The following CDK18 variants were observed in gnomAD, a reference collection of about 807,000 sequenced individuals.
CDK18 encodes cyclin dependent kinase 18, also known as cyclin-dependent kinase 18.
CDK18 carries 52 observed loss-of-function variants against 62.0 expected under a neutral mutation model. The observed-to-expected ratio is 0.84, with a 90% confidence interval of 0.67 to 1.06. The LOEUF (loss-of-function observed/expected upper bound fraction) is 1.06. CDK18 is among the 50% of genes least tolerant of loss of function. CDK18 has a pLI of 0.00. For missense variants in CDK18, 604 were observed against 619.9 expected (o/e 0.97, Z 0.27); for synonymous variants, 237 against 247.0 (o/e 0.96, Z 0.38).
At chr1:205,512,368 G>A (rs769125669) in intron 1 of CDK18, among the ~76,000 whole-genome samples, 17 of 152,244 alleles carry the variant, frequency 1.1e-4, no homozygotes, top group Non-Finnish European at 2.2e-4. Flanking sequence ...CAGCCAAAGG[G>A]AGTGGAATCC....
In CDK18 at chr1:205,531,720, G is replaced by T; in HGVS notation, c.*342G>T. 1 of 329,456 alleles carries T rather than the reference G, an allele frequency of 3.0e-6. No individual in the cohort carries two copies. The highest frequency in any genetic ancestry group is 5.8e-6 in the Non-Finnish European group (1 of 172,854). 20.4% of individuals were successfully genotyped at this position (329,456 alleles called of 1,614,324 possible). A position where few individuals can be genotyped will look rare whatever the true frequency, so the allele number is the denominator to read the frequency against. On this transcript the variant is annotated 3_prime_UTR_variant, in exon 16 of 16. Coordinates refer to ENST00000429964, the MANE Select transcript of CDK18 (RefSeq NM_212502.3). ...TGCACACGGATGACAGAATCAAGGC[G>T]CCAGGATGGGCACTCTGCCCTGGAT...
chr1:205,523,416 G>A (rs559325623), intron 2 of CDK18, 67 bp from the exon 3 acceptor site: 1 of 1,599,502 alleles, frequency 6.3e-7, no homozygotes, highest in Non-Finnish European at 8.5e-7. Context: ...CGCTGGGGGA[G>A]GGGGGCTACC....
At position 205,527,647 on chromosome 1, in the gene CDK18, G is replaced by A. The variant is rs1668506874; in HGVS notation, c.730-147G>A. On this transcript the variant is annotated intron_variant, in intron 8 of 15. Coordinates refer to ENST00000429964, the MANE Select transcript of CDK18 (RefSeq NM_212502.3). The surrounding 1 kb of genome is among the most constrained non-coding windows in gnomAD (Gnocchi z 4.1). ...GATGGGATTCCCTGGTGTGGGTGGG[G>A]TCCAGGATGGGGGCTGCAGGGTGTG... 2.7e-6 allele frequency: 2 copies of A among 753,678 alleles called. No homozygotes were observed. Among genetic ancestry groups the A allele is most frequent in the Non-Finnish European group, 4.5e-6 (2 of 444,918 alleles). The allele number at this position is 753,678 out of a possible 1,614,324, so 46.7% of individuals were successfully genotyped here.
At chr1:205,521,335 C>T (rs943563594) in intron 1 of CDK18, among the ~76,000 whole-genome samples, 25 of 152,218 alleles carry the variant, frequency 1.6e-4, no homozygotes, top group African/African-American at 4.8e-4. Context: ...CTTCAGCCTC[C>T]CAAGTAACTG....
At chr1:205,521,747 C>T (rs1668140719) in intron 1 of CDK18, among the ~76,000 whole-genome samples, 1 of 152,254 alleles carries the variant, frequency 6.6e-6, no homozygotes, top group Non-Finnish European at 1.5e-5. Context: ...CCTTTCCAGG[C>T]TGGCTGAGGA....
rs376270292 is a variant in CDK18, at chr1:205,526,843, G to C, written c.729+6G>C. On this transcript the variant is annotated splice_donor_region_variant and intron_variant, in intron 8 of 15. Coordinates refer to ENST00000429964, the MANE Select transcript of CDK18 (RefSeq NM_212502.3). ...TGAGCATGCACAACGTCAAGGTGAG[G>C]CCTCGGGGGCAGGGTCCCCCCATCT... 30 of 1,612,378 alleles carry C rather than the reference G, an allele frequency of 1.9e-5. No homozygotes were observed. In the East Asian group the frequency reaches 6.7e-4, roughly 36 times the overall value.
intron 1 of CDK18, among the ~76,000 whole-genome samples, chr1:205,514,127 T>C (rs1279341898): frequency 1.3e-5 from 2 of 152,168 alleles, no homozygotes; most frequent in Non-Finnish European, 2.9e-5. Flanking sequence ...AAATGACAAG[T>C]AAACAGTTAC....
chr1:205,515,908 C>T (rs1667795115), intron 1 of CDK18, among the ~76,000 whole-genome samples: 1 of 152,178 alleles, frequency 6.6e-6, no homozygotes, highest in Non-Finnish European at 1.5e-5. Flanking sequence ...CTGGGACTGT[C>T]CAGAGCATCT....
At chr1:205,526,004 C>A in intron 5 of CDK18, 61 bp from the exon 6 acceptor site, 3 of 1,216,922 alleles carry the variant, frequency 2.5e-6, no homozygotes, top group Non-Finnish European at 3.6e-6. Flanking sequence ...AATGGGGAGG[C>A]ACTGGACAGA....
intron 1 of CDK18, among the ~76,000 whole-genome samples, chr1:205,512,325 C>T (rs745388340): frequency 2.6e-5 from 4 of 152,206 alleles, no homozygotes; most frequent in East Asian, 1.9e-4. Flanking sequence ...CCACCAGACC[C>T]GGGAGGAAGG....
At position 205,508,512 on chromosome 1, in the gene CDK18, T is replaced by G. The variant is rs948588131; in HGVS notation, c.-22+3716T>G. On this transcript the variant is annotated intron_variant, in intron 1 of 15. Coordinates refer to ENST00000429964, the MANE Select transcript of CDK18 (RefSeq NM_212502.3). ...GCGCATCTCCGCCAGACCTCCTGTC[T>G]GAAAGAGAGCCCATCTGCTCCTAGA... is the stretch of plus-strand genomic sequence containing the variant. Among the ~76,000 whole-genome samples, 4 of 152,300 alleles carry G rather than the reference T, an allele frequency of 2.6e-5. No individual in the cohort carries two copies. In the South Asian group the frequency reaches 8.3e-4, roughly 32 times the overall value.
rs1668535044 is a variant in CDK18, at chr1:205,528,118, C to T, written c.924C>T (p.Pro308=). 6.2e-7 allele frequency: 1 copy of T among 1,614,082 alleles called. No homozygotes were observed. The highest frequency in any genetic ancestry group is 8.5e-7 in the Non-Finnish European group (1 of 1,179,990). Residue 308 remains proline, a synonymous_variant, in exon 10 of 16, where the codon CCC becomes CCT. Transcript: ENST00000429964. The surrounding 1 kb of genome is among the most constrained non-coding windows in gnomAD (Gnocchi z 4.2). ...AGGTGGTGACCCTGTGGTACAGGCCCCCCGATGTGCTGCTGGGATCCACAG... is the reference window on the plus strand; with the variant it reads ...AGGTGGTGACCCTGTGGTACAGGCCTCCCGATGTGCTGCTGGGATCCACAG... The part of the protein sequence containing the change: ...SNEVVTLWYR[P]PDVLLGSTEY...
At chr1:205,529,968 C>T in intron 13 of CDK18, 1 of 1,390,820 alleles carries the variant, frequency 7.2e-7, no homozygotes. Context: ...TACGGATGTT[C>T]TCCATCTGAT....
chr1:205,530,477 C>A, intron 14 of CDK18, 128 bp downstream of exon 14: 1 of 1,209,662 alleles, frequency 8.3e-7, no homozygotes, highest in Non-Finnish European at 1.2e-6. Context: ...GGGCACCTTG[C>A]CTCCCCTGCT....
chr1:205,518,577 G>T (rs1667948357), intron 1 of CDK18, among the ~76,000 whole-genome samples: 1 of 152,184 alleles, frequency 6.6e-6, no homozygotes, highest in African/African-American at 2.4e-5. Flanking sequence ...GGAGCAATAT[G>T]GTCACGTTTG....
chr1:205,522,214 A>C (rs1325855677), intron 1 of CDK18, among the ~76,000 whole-genome samples: 1 of 152,114 alleles, frequency 6.6e-6, no homozygotes, highest in African/African-American at 2.4e-5. Context: ...AGAGGGCACG[A>C]GGAGCTGGGT....
At chr1:205,529,960 C>T (rs373791111) in intron 13 of CDK18, 68 of 1,370,436 alleles carry the variant, frequency 5.0e-5, no homozygotes, top group Non-Finnish European at 6.2e-5. Context: ...CTTCCTGTTA[C>T]GGATGTTCTC....
chr1:205,521,627 G>A (rs1485552601), intron 1 of CDK18, among the ~76,000 whole-genome samples: 2 of 152,248 alleles, frequency 1.3e-5, no homozygotes, highest in African/African-American at 4.8e-5. Context: ...CCCGCTAAAG[G>A]AATGAAGGAG....
At chr1:205,512,986 C>T (rs534699294) in intron 1 of CDK18, among the ~76,000 whole-genome samples, 2 of 152,300 alleles carry the variant, frequency 1.3e-5, no homozygotes, top group South Asian at 4.1e-4. Context: ...GAGAGCTGGA[C>T]ACGGGATATC....
Sources: allele counts gnomAD v4.1 joint callset (sites outside exome capture counted in the v4.1 genomes callset), GRCh38; gene constraint gnomAD v4.1.1; non-coding constraint Gnocchi (gnomAD v3.1); transcripts MANE v1.5; gene names NCBI Gene and HGNC (gene_info 2026-07-23, HGNC 2026-07-21).